The following CHCHD3 variants were observed in gnomAD, a reference collection of about 807,000 sequenced individuals.
CHCHD3 encodes the protein MICOS complex subunit MIC19.
In CHCHD3, 20 loss-of-function variants were observed where a neutral mutation model predicts 38.2. That is an observed-to-expected ratio of 0.52 (90% CI 0.37 to 0.76). The LOEUF (loss-of-function observed/expected upper bound fraction) is 0.76, where lower values mean the gene tolerates loss of function less well. Ranked by LOEUF, CHCHD3 falls within the 30% of genes least tolerant of loss-of-function variation. The pLI is 0.00. For missense variants in CHCHD3, 245 were observed against 279.2 expected, an observed-to-expected ratio of 0.88 and a Z score of 0.87; for synonymous variants, 82 against 100.0, an observed-to-expected ratio of 0.82 and a Z score of 1.07.
chr7:133,081,707 ACT>A, intron 1 of CHCHD3, 148 bp downstream of exon 1: 1 of 730,836 alleles, frequency 1.4e-6, no homozygotes, highest in Admixed American at 2.6e-5. Flanking sequence ...ACGTCTTGAA[ACT>A]CTAGGCTTCT....
intron 4 of CHCHD3, among the ~76,000 whole-genome samples, chr7:132,934,043 A>G (rs2117259907): frequency 6.6e-6 from 1 of 152,322 alleles, no homozygotes; most frequent in South Asian, 2.1e-4. Context: ...TTAAAGGTTT[A>G]GCTGAATAGC....
At chr7:133,078,916 C>T (rs970689360) in intron 1 of CHCHD3, among the ~76,000 whole-genome samples, 1 of 152,240 alleles carries the variant, frequency 6.6e-6, no homozygotes, top group Non-Finnish European at 1.5e-5. Context: ...TTTGGTGCCT[C>T]ATCGGCACCA....
At chr7:132,822,869 AC>A (rs1411464024) in intron 6 of CHCHD3, among the ~76,000 whole-genome samples, 1 of 152,164 alleles carries the variant, frequency 6.6e-6, no homozygotes, top group Non-Finnish European at 1.5e-5. Flanking sequence ...AAAACCAATC[AC>A]TTGAAAGAAA....
intron 6 of CHCHD3, chr7:132,815,684 T>C (rs866384236): frequency 7.1e-5 from 31 of 435,336 alleles, no homozygotes; most frequent in African/African-American, 5.5e-4. Context: ...AAAATTGCAT[T>C]ATACAGTCCT....
intron 4 of CHCHD3, among the ~76,000 whole-genome samples, chr7:132,897,202 T>A (rs1037882294): frequency 2.6e-5 from 4 of 152,360 alleles, no homozygotes; most frequent in African/African-American, 9.6e-5. Flanking sequence ...TGTTTTACCA[T>A]GGAGATTAAA....
intron 3 of CHCHD3, among the ~76,000 whole-genome samples, chr7:132,985,609 T>C (rs1812088999): frequency 1.3e-5 from 1 of 75,306 alleles, no homozygotes; most frequent in Non-Finnish European, 2.7e-5. Flanking sequence ...GGGGCGCCTC[T>C]GCCCGGCCGC....
intron 4 of CHCHD3, among the ~76,000 whole-genome samples, chr7:132,939,507 G>A (rs1438806154): frequency 6.6e-6 from 1 of 152,122 alleles, no homozygotes; most frequent in Non-Finnish European, 1.5e-5. Flanking sequence ...GGAGCAACAG[G>A]CTATACTATT....
At chr7:132,976,270 C>T (rs1482588271) in intron 3 of CHCHD3, among the ~76,000 whole-genome samples, 1 of 152,202 alleles carries the variant, frequency 6.6e-6, no homozygotes, top group Non-Finnish European at 1.5e-5. Flanking sequence ...CTAAACCTAA[C>T]CCTCCAGACA....
chr7:133,033,964 A>T (rs1448701269), intron 2 of CHCHD3, among the ~76,000 whole-genome samples: 1 of 152,138 alleles, frequency 6.6e-6, no homozygotes, highest in African/African-American at 2.4e-5. Context: ...GAGATATCAC[A>T]AGAATGTACA....
At chr7:133,077,623 T>A (rs528339915) in intron 1 of CHCHD3, among the ~76,000 whole-genome samples, 1 of 152,226 alleles carries the variant, frequency 6.6e-6, no homozygotes, top group African/African-American at 2.4e-5. Context: ...TTGCGAAAGA[T>A]AGAGTTGTAA....
intron 5 of CHCHD3, among the ~76,000 whole-genome samples, chr7:132,852,678 G>A (rs943252383): frequency 6.6e-6 from 1 of 152,130 alleles, no homozygotes; most frequent in African/African-American, 2.4e-5. Context: ...ACCAACAGGT[G>A]GGAACAAGAA....
intron 5 of CHCHD3, among the ~76,000 whole-genome samples, chr7:132,879,397 C>T (rs1463588952): frequency 6.6e-6 from 1 of 152,026 alleles, no homozygotes; most frequent in African/African-American, 2.4e-5. Flanking sequence ...GAGCCAAAAC[C>T]CCATCATTCT....
intron 4 of CHCHD3, among the ~76,000 whole-genome samples, chr7:132,971,225 C>A (rs1281714267): frequency 6.6e-6 from 1 of 152,178 alleles, no homozygotes; most frequent in African/African-American, 2.4e-5. Flanking sequence ...TACAGAGGTG[C>A]TTTCCTGATC....
At chr7:133,051,682 T>A (rs1814172251) in intron 2 of CHCHD3, among the ~76,000 whole-genome samples, 1 of 152,214 alleles carries the variant, frequency 6.6e-6, no homozygotes, top group Non-Finnish European at 1.5e-5. Flanking sequence ...TAAAATTGCA[T>A]TTCAGGCTGC....
chr7:133,029,715 G>C (rs1813448312), intron 2 of CHCHD3, among the ~76,000 whole-genome samples: 1 of 152,142 alleles, frequency 6.6e-6, no homozygotes, highest in African/African-American at 2.4e-5. Context: ...AGAAAATGCA[G>C]ACTGGAGGCT....
At chr7:132,993,204 A>C (rs747623044) in intron 3 of CHCHD3, among the ~76,000 whole-genome samples, 2 of 152,250 alleles carry the variant, frequency 1.3e-5, no homozygotes, top group Non-Finnish European at 2.9e-5. Context: ...TAGAATAAAG[A>C]GTCCTTTCAA....
intron 4 of CHCHD3, among the ~76,000 whole-genome samples, chr7:132,964,764 A>G (rs1366259536): frequency 6.6e-6 from 1 of 152,174 alleles, no homozygotes; most frequent in Non-Finnish European, 1.5e-5. Flanking sequence ...AAAGTGTACA[A>G]ATAGCACTTC....
chr7:132,834,388 C>T (rs1585556340), intron 6 of CHCHD3, among the ~76,000 whole-genome samples: 1 of 152,212 alleles, frequency 6.6e-6, no homozygotes, highest in South Asian at 2.1e-4. Context: ...TAATGAAAGC[C>T]ACTCCCTAAA....
intron 3 of CHCHD3, among the ~76,000 whole-genome samples, chr7:133,013,204 A>AC (rs1812932062): frequency 1.3e-5 from 2 of 148,536 alleles, no homozygotes; most frequent in African/African-American, 2.5e-5. Context: ...AAAAAAAAAA[A>AC]AACATTCAGA....
Sources: allele counts gnomAD v4.1 joint callset (sites outside exome capture counted in the v4.1 genomes callset), GRCh38; gene constraint gnomAD v4.1.1; transcripts MANE v1.5; gene names NCBI Gene and HGNC (gene_info 2026-07-23, HGNC 2026-07-21).